The following GPR158 variants were observed in gnomAD, a reference collection of about 807,000 sequenced individuals.
GPR158 encodes G protein-coupled receptor 158.
In GPR158, 30 loss-of-function variants were observed where a neutral mutation model predicts 78.2. The observed-to-expected ratio is 0.38, with a 90% confidence interval of 0.29 to 0.52. The LOEUF (loss-of-function observed/expected upper bound fraction) is 0.52. GPR158 is among the 20% of genes least tolerant of loss of function. GPR158 has a pLI of 0.83. For synonymous variants in GPR158, 581 were observed against 591.1 expected, an observed-to-expected ratio of 0.98 and a Z score of 0.25; for missense variants, 1,463 against 1,523.5, an observed-to-expected ratio of 0.96 and a Z score of 0.66.
chr10:25,372,149 C>T (rs1425285869), intron 2 of GPR158, among the ~76,000 whole-genome samples: 1 of 151,584 alleles, frequency 6.6e-6, no homozygotes, highest in African/African-American at 2.4e-5. Context: ...AAATCAAAAC[C>T]ACAATGAGAT....
intron 4 of GPR158, among the ~76,000 whole-genome samples, chr10:25,427,959 A>G (rs1834847034): frequency 6.6e-6 from 1 of 152,060 alleles, no homozygotes; most frequent in Non-Finnish European, 1.5e-5. Flanking sequence ...TAATTACTCA[A>G]TCTTCCTCTT....
intron 2 of GPR158, among the ~76,000 whole-genome samples, chr10:25,391,500 A>G (rs1441744027): frequency 1.4e-5 from 2 of 144,404 alleles, no homozygotes; most frequent in Admixed American, 1.4e-4. Context: ...GATCATTTTG[A>G]GCTTTAAGAT....
chr10:25,485,001 G>A (rs149951251), intron 5 of GPR158, among the ~76,000 whole-genome samples: 66 of 152,102 alleles, frequency 4.3e-4, no homozygotes, highest in African/African-American at 1.4e-3. Flanking sequence ...ATTAGCAGAC[G>A]ACTAATACTG....
intron 5 of GPR158, among the ~76,000 whole-genome samples, chr10:25,484,829 G>A (rs1835711031): frequency 6.6e-6 from 1 of 152,002 alleles, no homozygotes; most frequent in Admixed American, 6.6e-5. Flanking sequence ...GCAGGTCCAG[G>A]ACACATAAGT....
rs377015230 is a variant in GPR158, at chr10:25,309,295, C to G, written c.1009-86616C>G. ...TCATTGTGGTTTTTATTTGCACTTT[C>G]CTAATGGTTAGTGATACTGAACATC... On this transcript the variant is annotated intron_variant, in intron 2 of 10. Coordinates refer to ENST00000376351, the MANE Select transcript of GPR158 (RefSeq NM_020752.3). 5.3e-5 allele frequency among the ~76,000 whole-genome samples: 8 copies of G among 151,874 alleles called. No homozygotes were observed. In the East Asian group the frequency reaches 1.4e-3, roughly 26 times the overall value.
chr10:25,320,441 C>G (rs1854931683), intron 2 of GPR158, among the ~76,000 whole-genome samples: 1 of 152,170 alleles, frequency 6.6e-6, no homozygotes, highest in Admixed American at 6.5e-5. Context: ...TTCACACTTG[C>G]CATGGTGTTT....
chr10:25,546,213 A>G lies in GPR158; in HGVS notation c.1405-4763A>G, dbSNP rs184538348. 1.0e-3 allele frequency among the ~76,000 whole-genome samples: 154 copies of G among 152,206 alleles called. 1 individual carries two copies. The highest frequency in any genetic ancestry group is 6.2e-3 in the East Asian group (32 of 5,166). On this transcript the variant is annotated intron_variant, in intron 5 of 10. Transcript: ENST00000376351. ...TTTATGAGTCTCTAGTGGTGTGTCT[A>G]TACTTGCAAAAAAGTTATTCTATTG...
In GPR158 at chr10:25,599,733, T is replaced by C. The variant is rs1837467315; in HGVS notation, c.*459T>C. 6.5e-6 allele frequency: 1 copy of C among 155,010 alleles called. No individual in the cohort carries two copies. Among genetic ancestry groups the C allele is most frequent in the African/African-American group, 2.4e-5 (1 of 41,506 alleles). 9.6% of individuals were successfully genotyped at this position (155,010 alleles called of 1,614,324 possible). On this transcript the variant is annotated 3_prime_UTR_variant, in exon 11 of 11. Coordinates refer to ENST00000376351, the MANE Select transcript of GPR158 (RefSeq NM_020752.3). ...AACCTTGATAGCACTGCTAACTTAA[T>C]GCATCCCAAAAATATCTTTTATATT... is the stretch of plus-strand genomic sequence containing the variant.
At chr10:25,235,233 G>C (rs1796416094) in intron 2 of GPR158, among the ~76,000 whole-genome samples, 1 of 151,996 alleles carries the variant, frequency 6.6e-6, no homozygotes, top group African/African-American at 2.4e-5. Flanking sequence ...CAATGTGTTA[G>C]GTGTTCTCTT....
chr10:25,267,518 A>G (rs887827297), intron 2 of GPR158, among the ~76,000 whole-genome samples: 2 of 152,160 alleles, frequency 1.3e-5, no homozygotes, highest in Admixed American at 6.6e-5. Flanking sequence ...TTGGGTGGGG[A>G]CACAGTGAAA....
rs1014233928 is a variant in GPR158 at position 25,412,441 on chromosome 10, A to C, written c.1303A>C (p.Met435Leu). The C allele has an allele frequency of 5.6e-6, 9 of 1,613,922 alleles. No homozygotes were observed. The highest frequency in any genetic ancestry group is 7.6e-6 in the Non-Finnish European group (9 of 1,179,912). Residue 435 changes from methionine to leucine, a missense_variant, in exon 4 of 11, where the codon ATG becomes CTG. Coordinates refer to ENST00000376351, the MANE Select transcript of GPR158 (RefSeq NM_020752.3). ...ALCMLLDFVS[M>L]LVVYHFRKAK... ...GTGTATGCTGCTCGACTTCGTTAGC[A>C]TGCTGGTGGTCTACCACTTTCGCAA...
intron 4 of GPR158, among the ~76,000 whole-genome samples, chr10:25,452,142 A>T (rs961316490): frequency 1.3e-5 from 2 of 151,824 alleles, no homozygotes; most frequent in African/African-American, 4.8e-5. Flanking sequence ...GGCTCAAGCG[A>T]TCCTCCCACC....
chr10:25,241,364 T>TCTCTC (rs1564399773), intron 2 of GPR158, among the ~76,000 whole-genome samples: 4 of 102,898 alleles, frequency 3.9e-5, no homozygotes, highest in African/African-American at 1.3e-4. Context: ...TCTTTTCTCT[T>TCTCTC]TTCTTTTCTC....
intron 2 of GPR158, among the ~76,000 whole-genome samples, chr10:25,237,274 G>A (rs952648572): frequency 1.3e-5 from 2 of 152,092 alleles, no homozygotes; most frequent in Non-Finnish European, 2.9e-5. Context: ...GGTTATTCAT[G>A]GAACTCTTCC....
chr10:25,189,494 G>T (rs557358330), intron 1 of GPR158, among the ~76,000 whole-genome samples: 1 of 152,160 alleles, frequency 6.6e-6, no homozygotes, highest in East Asian at 1.9e-4. Context: ...TAGGGACATG[G>T]ATAAAGCTGG....
chr10:25,576,829 G>GTGA (rs532295706), intron 7 of GPR158, among the ~76,000 whole-genome samples: 133 of 152,198 alleles, frequency 8.7e-4, no homozygotes, highest in African/African-American at 3.1e-3. Context: ...ATCAAGACTC[G>GTGA]TGATGAGAGT....
At chr10:25,476,150 C>T (rs1396516055) in intron 5 of GPR158, among the ~76,000 whole-genome samples, 1 of 152,110 alleles carries the variant, frequency 6.6e-6, no homozygotes, top group Non-Finnish European at 1.5e-5. Flanking sequence ...AAAAGAGACG[C>T]ATGATTTGAA....
chr10:25,516,609 A>G (rs1366085982), intron 5 of GPR158, among the ~76,000 whole-genome samples: 3 of 123,818 alleles, frequency 2.4e-5, no homozygotes, highest in East Asian at 2.2e-4. Flanking sequence ...TTTTCCCAGC[A>G]CCATTTATTA....
chr10:25,387,913 T>G (rs542295995), intron 2 of GPR158, among the ~76,000 whole-genome samples: 1 of 152,194 alleles, frequency 6.6e-6, no homozygotes, highest in African/African-American at 2.4e-5. Context: ...TTATGGGCAC[T>G]TTTTTATTGG....
Sources: gnomAD v4.1 joint callset for allele counts (sites outside exome capture counted in the v4.1 genomes callset) on GRCh38, gnomAD v4.1.1 for gene constraint, MANE v1.5 for transcripts, NCBI Gene and HGNC (gene_info 2026-07-23, HGNC 2026-07-21) for gene names.